Variants in TTC7A observed in about 807,000 individuals in gnomAD.
The protein encoded by TTC7A is tetratricopeptide repeat domain 7A.
A neutral mutation model predicts 103.7 loss-of-function variants in TTC7A; 110 were observed. The observed-to-expected ratio is 1.06, with a 90% CI of 0.91 to 1.24. The LOEUF (loss-of-function observed/expected upper bound fraction) is 1.24. Ranked by LOEUF, TTC7A falls within the 50% of genes most tolerant of loss-of-function variation. The pLI, the probability that TTC7A is intolerant of heterozygous loss-of-function variation, is 0.00. For synonymous variants in TTC7A, 521 were observed against 467.9 expected, an observed-to-expected ratio of 1.11 and a Z score of -1.47; for missense variants, 1,340 against 1,116.3, an observed-to-expected ratio of 1.20 and a Z score of -2.86.
Position 47,074,684 on chromosome 2 carries a change from C to G in TTC7A, c.*761C>G, listed in dbSNP as rs1685079949. 1 of 152,350 alleles carries G rather than the reference C, an allele frequency of 6.6e-6. No individual in the cohort carries two copies. Among genetic ancestry groups the G allele is most frequent in the South Asian group, 2.1e-4 (1 of 4,830 alleles). 9.4% of individuals were successfully genotyped at this position (152,350 alleles called of 1,614,324 possible). ...GGCTACAATGCAGGTCCCTTGAGGG[C>G]CACCAACATGGAGGTAGGCAGTTTC... On this transcript the variant is annotated 3_prime_UTR_variant, in exon 20 of 20. Transcript: ENST00000319190.
intron 4 of TTC7A, among the ~76,000 whole-genome samples, chr2:46,976,257 A>G (rs1447330513): frequency 6.6e-6 from 1 of 152,236 alleles, no homozygotes; most frequent in Non-Finnish European, 1.5e-5. Context: ...TACAAGTAAG[A>G]AAACAAATTT....
chr2:47,057,424 G>A (rs929777174), intron 18 of TTC7A, among the ~76,000 whole-genome samples: 2 of 152,196 alleles, frequency 1.3e-5, no homozygotes, highest in African/African-American at 4.8e-5. Context: ...AAGAACCAGG[G>A]CCCCGAGGCA....
intron 10 of TTC7A, among the ~76,000 whole-genome samples, chr2:47,010,959 C>G (rs1271612330): frequency 1.3e-5 from 2 of 152,130 alleles, no homozygotes; most frequent in Admixed American, 6.5e-5. Context: ...CTCGGTCTCC[C>G]AAAGTGCTGG....
chr2:47,058,120 C>A (rs946062844), intron 18 of TTC7A, among the ~76,000 whole-genome samples: 2 of 152,206 alleles, frequency 1.3e-5, no homozygotes, highest in Non-Finnish European at 2.9e-5. Context: ...GACCCCTCCC[C>A]CTACCAGCCA....
At chr2:46,934,004 C>A (rs1193264986) in intron 2 of TTC7A, among the ~76,000 whole-genome samples, 2 of 152,128 alleles carry the variant, frequency 1.3e-5, no homozygotes, top group African/African-American at 4.8e-5. Context: ...TGGTGACCTC[C>A]AGCCCAACTA....
chr2:46,922,064 G>T (rs1406859143), intron 2 of TTC7A, among the ~76,000 whole-genome samples: 1 of 152,222 alleles, frequency 6.6e-6, no homozygotes, highest in Non-Finnish European at 1.5e-5. Context: ...ATATTTGAGT[G>T]GAGGAAAGCT....
At chr2:46,938,187 G>A (rs1670073249), upstream of TTC7A, among the ~76,000 whole-genome samples, 1 of 152,008 alleles carries the variant, frequency 6.6e-6, no homozygotes, top group Non-Finnish European at 1.5e-5. Context: ...AAAGAAAAAA[G>A]CAAAAATCAA....
chr2:47,070,729 G>A (rs796131529), intron 19 of TTC7A, among the ~76,000 whole-genome samples: 2 of 152,178 alleles, frequency 1.3e-5, no homozygotes, highest in African/African-American at 2.4e-5. Context: ...AGGGTCCTGA[G>A]GTGGGAATTT....
At chr2:46,988,343 G>A (rs959511853) in intron 5 of TTC7A, among the ~76,000 whole-genome samples, 1 of 152,154 alleles carries the variant, frequency 6.6e-6, no homozygotes, top group Non-Finnish European at 1.5e-5. Context: ...CTGCGACAGG[G>A]GTGAACAGTT....
intron 2 of TTC7A, among the ~76,000 whole-genome samples, chr2:46,952,724 C>T (rs980439059): frequency 1.1e-4 from 17 of 152,250 alleles, no homozygotes; most frequent in African/African-American, 3.9e-4. Flanking sequence ...TGCACTCCAG[C>T]CTGGGTGACA....
At chr2:47,036,093 G>A (rs4953447) in intron 15 of TTC7A, among the ~76,000 whole-genome samples, 41,895 of 152,130 alleles carry the variant, frequency 0.28, 6,274 homozygotes, top group East Asian at 0.52. Context: ...TTTGTGTTTG[G>A]GAAGTCCTCT....
chr2:46,970,176 G>C (rs970831364), intron 3 of TTC7A, among the ~76,000 whole-genome samples: 3 of 152,118 alleles, frequency 2.0e-5, no homozygotes, highest in Non-Finnish European at 4.4e-5. Context: ...TTTTGGGGGG[G>C]ACGGGGTTTC....
upstream of TTC7A, among the ~76,000 whole-genome samples, chr2:46,937,983 C>G (rs931460223): frequency 3.3e-5 from 5 of 152,104 alleles, no homozygotes; most frequent in Non-Finnish European, 4.4e-5. The surrounding 1 kb of genome is among the most constrained non-coding windows in gnomAD (Gnocchi z 4.0). Flanking sequence ...CCTTTACTAT[C>G]TAGTGGCAGA....
In TTC7A at chr2:47,053,955, T is replaced by A. The variant is rs552162792; in HGVS notation, c.2152+2075T>A. ...TGTATATTGCTTTATACTAGGGATG[T>A]TAGCATGTGCTGATAACTCCAAGTA... On this transcript the variant is annotated intron_variant, in intron 18 of 19. Transcript: ENST00000319190. The A allele has an allele frequency of 3.7e-5, 7 of 191,232 alleles. No individual in the cohort carries two copies. In the South Asian group the frequency reaches 1.3e-3, roughly 34 times the overall value. 11.8% of individuals were successfully genotyped at this position (191,232 alleles called of 1,614,324 possible).
chr2:47,061,546 C>G (rs995637829), intron 19 of TTC7A, among the ~76,000 whole-genome samples: 1 of 152,142 alleles, frequency 6.6e-6, no homozygotes, highest in East Asian at 1.9e-4. Flanking sequence ...TTCATGGGCT[C>G]AGGACTTGGG....
At chr2:46,953,091 A>G (rs1182144307) in intron 2 of TTC7A, among the ~76,000 whole-genome samples, 1 of 152,214 alleles carries the variant, frequency 6.6e-6, no homozygotes, top group Admixed American at 6.5e-5. Flanking sequence ...GCAGAAATTT[A>G]CTGTTATCCA....
intron 19 of TTC7A, chr2:47,068,570 A>G (rs903204872): frequency 1.3e-5 from 2 of 152,040 alleles, no homozygotes; most frequent in African/African-American, 4.8e-5. Context: ...ATGGGAAAGT[A>G]GAGGAGACGA....
At chr2:47,045,880 C>G (rs1212776249) in intron 15 of TTC7A, among the ~76,000 whole-genome samples, 2 of 152,184 alleles carry the variant, frequency 1.3e-5, no homozygotes, top group Non-Finnish European at 2.9e-5. Flanking sequence ...CTGGATGGGT[C>G]TCTTATCCAA....
chr2:46,950,255 C>A (rs1671286241), intron 1 of TTC7A, 108 bp from the exon 2 acceptor site: 12 of 1,094,756 alleles, frequency 1.1e-5, no homozygotes, highest in Non-Finnish European at 1.6e-5. Context: ...AGACCTGAGC[C>A]ATTCATGTAC....
Sources: allele counts gnomAD v4.1 joint callset (sites outside exome capture counted in the v4.1 genomes callset), GRCh38; gene constraint gnomAD v4.1.1; non-coding constraint Gnocchi (gnomAD v3.1); transcripts MANE v1.5; gene names NCBI Gene and HGNC (gene_info 2026-07-23, HGNC 2026-07-21).